ARSB: variants seen among roughly 807,000 people sequenced by gnomAD.
ARSB encodes the protein arylsulfatase B.
A neutral mutation model predicts 50.9 loss-of-function variants in ARSB; 41 were observed. The ratio of observed to expected loss-of-function variants is 0.81; its 90% CI spans 0.63 to 1.04. The LOEUF (loss-of-function observed/expected upper bound fraction) is 1.04, where lower values mean the gene tolerates loss of function less well. ARSB is among the 50% of genes least tolerant of loss of function. The pLI, the probability that ARSB is intolerant of heterozygous loss-of-function variation, is 0.00. For synonymous variants in ARSB, 269 were observed against 284.8 expected (o/e 0.94, Z 0.56); for missense variants, 672 against 693.3 (o/e 0.97, Z 0.35).
At chr5:78,918,568 C>T (rs1749663201) in intron 4 of ARSB, among the ~76,000 whole-genome samples, 1 of 152,030 alleles carries the variant, frequency 6.6e-6, no homozygotes, top group Admixed American at 6.6e-5. Flanking sequence ...CACACACACA[C>T]ATGCATGCAC....
At chr5:78,985,745 C>G (rs1446847519), upstream of ARSB, 1 of 152,218 alleles carries the variant, frequency 6.6e-6, no homozygotes, top group African/African-American at 2.4e-5. Flanking sequence ...TGATGTCTAG[C>G]TAGCAAGTCA....
At chr5:78,826,827 T>C (rs1417695291) in intron 6 of ARSB, among the ~76,000 whole-genome samples, 2 of 152,172 alleles carry the variant, frequency 1.3e-5, no homozygotes, top group African/African-American at 4.8e-5. Context: ...ACTAACAGAC[T>C]TCTACAAACA....
At chr5:78,886,452 T>C (rs190835103) in intron 4 of ARSB, among the ~76,000 whole-genome samples, 161 of 152,292 alleles carry the variant, frequency 1.1e-3, no homozygotes, top group African/African-American at 3.8e-3. Context: ...AAAAAAATTT[T>C]TCCCCTCTTG....
Position 78,780,385 on chromosome 5 carries a change from C to T in ARSB, c.*12G>A, listed in dbSNP as rs751374701. 1 of 1,613,876 alleles carries T rather than the reference C, an allele frequency of 6.2e-7. No homozygotes were observed. ...ACTTCCAATTGAAAGGTTTTCTAGC[C>T]TCCCTGAAATCCTACATCCAAGGGC... is the stretch of plus-strand genomic sequence containing the variant. On this transcript the variant is annotated 3_prime_UTR_variant, in exon 8 of 8. Coordinates refer to ENST00000264914, the MANE Select transcript of ARSB (RefSeq NM_000046.5).
At chr5:78,979,361 A>G (rs1752800411) in intron 1 of ARSB, among the ~76,000 whole-genome samples, 1 of 152,246 alleles carries the variant, frequency 6.6e-6, no homozygotes, top group African/African-American at 2.4e-5. Context: ...GGATGTGGAG[A>G]CGCTAAAACC....
intron 4 of ARSB, among the ~76,000 whole-genome samples, chr5:78,950,926 T>C (rs1204552079): frequency 6.6e-6 from 1 of 152,144 alleles, no homozygotes; most frequent in Non-Finnish European, 1.5e-5. Flanking sequence ...AAAGGATGGG[T>C]CCTGTGAACA....
chr5:78,832,627 CA>C (rs946263303), intron 6 of ARSB, among the ~76,000 whole-genome samples: 2 of 152,076 alleles, frequency 1.3e-5, no homozygotes, highest in Non-Finnish European at 2.9e-5. Flanking sequence ...ATGGATTTGG[CA>C]ATTGCACCAC....
chr5:78,858,086 C>A (rs1458440315), intron 5 of ARSB, among the ~76,000 whole-genome samples: 1 of 152,046 alleles, frequency 6.6e-6, no homozygotes, highest in East Asian at 1.9e-4. Flanking sequence ...GCAGACTGAC[C>A]CCCAAATCCC....
intron 4 of ARSB, among the ~76,000 whole-genome samples, chr5:78,922,771 C>T (rs973784766): frequency 1.3e-5 from 2 of 151,836 alleles, no homozygotes; most frequent in Admixed American, 1.3e-4. Context: ...TGATTCCAGG[C>T]CTTGGTTCTT....
intron 5 of ARSB, among the ~76,000 whole-genome samples, chr5:78,864,101 T>C (rs1746587456): frequency 6.6e-6 from 1 of 151,850 alleles, no homozygotes. Context: ...CTCTGAGACC[T>C]GAAGAGTCAG....
intron 1 of ARSB, among the ~76,000 whole-genome samples, chr5:78,976,412 C>G (rs1019344763): frequency 1.3e-5 from 2 of 151,192 alleles, no homozygotes; most frequent in Non-Finnish European, 1.5e-5. Context: ...ATCTACCCCC[C>G]TGCCCCCGGG....
Position 78,825,761 on chromosome 5 carries a change from G to A in ARSB, c.1213+13595C>T, listed in dbSNP as rs190806872. 6.1e-3 allele frequency among the ~76,000 whole-genome samples: 920 copies of A among 151,858 alleles called. 8 individuals carry two copies. Among genetic ancestry groups the A allele is most frequent in the Middle Eastern group, 0.024 (7 of 292 alleles). ...CTATAAGCACTGAACTATTTTTTTCGAAGGAGTTTTTACAAAATGATGTAA... is the reference window on the plus strand; with the variant it reads ...CTATAAGCACTGAACTATTTTTTTCAAAGGAGTTTTTACAAAATGATGTAA... On this transcript the variant is annotated intron_variant, in intron 6 of 7. Transcript: ENST00000264914.
At chr5:78,820,994 T>C (rs903391767) in intron 6 of ARSB, among the ~76,000 whole-genome samples, 4 of 142,580 alleles carry the variant, frequency 2.8e-5, no homozygotes, top group Non-Finnish European at 6.1e-5. Flanking sequence ...AAAAAAAAAG[T>C]ATTGTACACA....
intron 6 of ARSB, among the ~76,000 whole-genome samples, chr5:78,793,027 T>C (rs1344842542): frequency 2.0e-5 from 3 of 152,212 alleles, no homozygotes; most frequent in African/African-American, 7.2e-5. Flanking sequence ...CCAATTCTGG[T>C]TCTGCCTTGG....
chr5:78,798,959 A>G (rs1299291064), intron 6 of ARSB, among the ~76,000 whole-genome samples: 1 of 152,218 alleles, frequency 6.6e-6, no homozygotes, highest in African/African-American at 2.4e-5. Flanking sequence ...TGCCAAAGGT[A>G]AAAAAGCAAA....
chr5:78,985,587 A>C, upstream of ARSB: 4 of 179,938 alleles, frequency 2.2e-5, no homozygotes, highest in Non-Finnish European at 2.3e-5. Context: ...TTCTTTAATA[A>C]CGCTTCACAA....
chr5:78,941,331 A>G (rs995254548), intron 4 of ARSB, among the ~76,000 whole-genome samples: 13 of 150,932 alleles, frequency 8.6e-5, no homozygotes, highest in African/African-American at 3.2e-4. Flanking sequence ...GTTGAATAGG[A>G]GTGGTGAGAG....
intron 6 of ARSB, among the ~76,000 whole-genome samples, chr5:78,802,675 A>G (rs188642653): frequency 1.5e-4 from 23 of 152,340 alleles, no homozygotes; most frequent in African/African-American, 4.8e-4. Flanking sequence ...TTAGAGAGAT[A>G]ATGATTACAG....
At chr5:78,839,578 T>C in intron 5 of ARSB, 152 bp from the exon 6 acceptor site, 1 of 716,344 alleles carries the variant, frequency 1.4e-6, no homozygotes, top group East Asian at 2.8e-5. Context: ...TCACGGCTGG[T>C]GCATCTTCAA....
Sources: allele counts gnomAD v4.1 joint callset (sites outside exome capture counted in the v4.1 genomes callset), GRCh38; gene constraint gnomAD v4.1.1; transcripts MANE v1.5; gene names NCBI Gene and HGNC (gene_info 2026-07-23, HGNC 2026-07-21).